Variants in GPC6 observed in about 807,000 individuals in gnomAD.
GPC6 encodes the protein glypican-6.
Under a neutral mutation model 55.2 loss-of-function variants are expected in GPC6, and 14 were observed. That is an observed-to-expected ratio of 0.25 (90% CI 0.17 to 0.40). The LOEUF (loss-of-function observed/expected upper bound fraction) is 0.40. Ranked by LOEUF, GPC6 falls within the 10% of genes least tolerant of loss-of-function variation. The probability of loss-of-function intolerance (pLI) is 1.00; values close to 1 mark genes in which losing one functional copy is unlikely to be tolerated. For synonymous variants in GPC6, 278 were observed against 259.6 expected, an observed-to-expected ratio of 1.07 and a Z score of -0.68; for missense variants, 641 against 708.5, an observed-to-expected ratio of 0.90 and a Z score of 1.08.
At chr13:93,316,311 G>C (rs12873150) in intron 1 of GPC6, among the ~76,000 whole-genome samples, 18,201 of 151,956 alleles carry the variant, frequency 0.12, 1,293 homozygotes, top group East Asian at 0.35. Context: ...GACATTCATG[G>C]CTAGTTTTCC....
intron 4 of GPC6, among the ~76,000 whole-genome samples, chr13:94,100,419 A>G (rs1885816315): frequency 6.6e-6 from 1 of 152,252 alleles, no homozygotes; most frequent in South Asian, 2.1e-4. Flanking sequence ...CAAGATTGTT[A>G]TAATGTCCAG....
chr13:93,447,851 T>C (rs9524070), intron 1 of GPC6, among the ~76,000 whole-genome samples: 23,176 of 151,994 alleles, frequency 0.15, 2,358 homozygotes, highest in East Asian at 0.47. Flanking sequence ...TATCAAAGGG[T>C]TTTTCAGAAA....
At chr13:93,730,559 A>G (rs9524179) in intron 2 of GPC6, among the ~76,000 whole-genome samples, 139,753 of 152,156 alleles carry the variant, frequency 0.92, 64,314 homozygotes, top group Admixed American at 0.96. Flanking sequence ...GCCATTTATT[A>G]TAACTAATTG....
chr13:93,384,222 G>T (rs950151832), intron 1 of GPC6, among the ~76,000 whole-genome samples: 4 of 152,096 alleles, frequency 2.6e-5, no homozygotes, highest in African/African-American at 9.7e-5. Flanking sequence ...ATATCTAAGA[G>T]ATTTTTTTAA....
intron 1 of GPC6, among the ~76,000 whole-genome samples, chr13:93,382,718 A>G (rs1332811460): frequency 6.6e-6 from 1 of 152,236 alleles, no homozygotes; most frequent in Admixed American, 6.5e-5. Flanking sequence ...ATTAGTGGGA[A>G]TATCATTCAA....
intron 2 of GPC6, among the ~76,000 whole-genome samples, chr13:93,586,350 C>G (rs2139498675): frequency 6.6e-6 from 1 of 152,216 alleles, no homozygotes; most frequent in South Asian, 2.1e-4. Context: ...TTTTCTTTAT[C>G]CAGTCTATCA....
chr13:94,322,384 C>G (rs1324965339), intron 6 of GPC6, among the ~76,000 whole-genome samples: 1 of 152,158 alleles, frequency 6.6e-6, no homozygotes, highest in Non-Finnish European at 1.5e-5. Context: ...ACGACTACAC[C>G]TACCCAGGCC....
intron 1 of GPC6, among the ~76,000 whole-genome samples, chr13:93,258,741 C>T (rs962335292): frequency 1.3e-5 from 2 of 151,856 alleles, no homozygotes; most frequent in Non-Finnish European, 2.9e-5. Context: ...GAGTTCAACA[C>T]CAGCTTAAGC....
At chr13:94,196,185 GTT>G (rs34583361) in intron 4 of GPC6, among the ~76,000 whole-genome samples, 9 of 141,840 alleles carry the variant, frequency 6.3e-5, no homozygotes, top group African/African-American at 1.8e-4. Flanking sequence ...AACCTTTTCA[GTT>G]TTTTTTTTTT....
At chr13:93,231,393 A>ATATT (rs1566533578) in intron 1 of GPC6, among the ~76,000 whole-genome samples, 1 of 24,886 alleles carries the variant, frequency 4.0e-5, no homozygotes. Flanking sequence ...ATATATATAT[A>ATATT]TATGTATATA....
intron 3 of GPC6, among the ~76,000 whole-genome samples, chr13:93,876,582 T>TA (rs1432921824): frequency 6.6e-6 from 1 of 152,088 alleles, no homozygotes; most frequent in African/African-American, 2.4e-5. Flanking sequence ...CTTACCTATC[T>TA]AAAAATTTCT....
At chr13:93,257,653 A>G (rs1594056307) in intron 1 of GPC6, among the ~76,000 whole-genome samples, 1 of 152,302 alleles carries the variant, frequency 6.6e-6, no homozygotes, top group East Asian at 1.9e-4. Context: ...CATAGGCATC[A>G]TCACCACATT....
At chr13:93,292,331 A>C (rs1410402207) in intron 1 of GPC6, among the ~76,000 whole-genome samples, 2 of 152,192 alleles carry the variant, frequency 1.3e-5, no homozygotes, top group Non-Finnish European at 2.9e-5. Flanking sequence ...GCCCTATGCA[A>C]GTGGCAACTC....
chr13:94,333,172 T>A (rs1395288031), intron 6 of GPC6, among the ~76,000 whole-genome samples: 2 of 152,200 alleles, frequency 1.3e-5, no homozygotes, highest in East Asian at 3.8e-4. Flanking sequence ...ACTCAGGGCG[T>A]CCCTTAATTT....
intron 1 of GPC6, among the ~76,000 whole-genome samples, chr13:93,476,404 C>T (rs2139335515): frequency 6.6e-6 from 1 of 152,216 alleles, no homozygotes; most frequent in South Asian, 2.1e-4. Flanking sequence ...CATCCATTGG[C>T]ATGTCAGTAG....
chr13:93,688,902 A>G (rs1304579941), intron 2 of GPC6, among the ~76,000 whole-genome samples: 2 of 152,030 alleles, frequency 1.3e-5, no homozygotes, highest in Non-Finnish European at 2.9e-5. Context: ...CACACTTACA[A>G]ATGTTAATAT....
At chr13:93,405,305 T>G (rs1876244716) in intron 1 of GPC6, among the ~76,000 whole-genome samples, 1 of 152,150 alleles carries the variant, frequency 6.6e-6, no homozygotes, top group South Asian at 2.1e-4. Flanking sequence ...TGCGGCACCA[T>G]CAGAGTGCAC....
At chr13:93,638,596 A>C (rs1879790832) in intron 2 of GPC6, among the ~76,000 whole-genome samples, 1 of 152,084 alleles carries the variant, frequency 6.6e-6, no homozygotes, top group Admixed American at 6.6e-5. Context: ...TAGTTTAATA[A>C]CTCTAATGAG....
chr13:93,754,428 G>T (rs539535610), intron 2 of GPC6, among the ~76,000 whole-genome samples: 1 of 151,988 alleles, frequency 6.6e-6, no homozygotes, highest in Non-Finnish European at 1.5e-5. Context: ...CTTCCTCTGT[G>T]TTGCCTTTAG....
Sources: allele counts gnomAD v4.1 joint callset (sites outside exome capture counted in the v4.1 genomes callset), GRCh38; gene constraint gnomAD v4.1.1; transcripts MANE v1.5; gene names NCBI Gene and HGNC (gene_info 2026-07-23, HGNC 2026-07-21).